Variants in STX11 observed in about 807,000 individuals in gnomAD.
The protein encoded by STX11 is syntaxin-11.
A neutral mutation model predicts 19.9 loss-of-function variants in STX11; 21 were observed. That is an observed-to-expected ratio of 1.06 (90% confidence interval 0.75 to 1.52). The LOEUF (loss-of-function observed/expected upper bound fraction) is 1.52, where lower values mean the gene tolerates loss of function less well. Among genes scored for constraint, STX11 ranks in the 40% most tolerant of loss-of-function variants. The pLI is 0.00. For missense variants in STX11, 438 were observed against 405.9 expected (o/e 1.08, Z -0.68); for synonymous variants, 193 against 174.4 (o/e 1.11, Z -0.84).
In STX11 at chr6:144,160,130, G is replaced by A. The variant is rs969543554; in HGVS notation, c.-6+9427G>A. On this transcript the variant is annotated intron_variant, in intron 1 of 1. Transcript: ENST00000367568. The surrounding 1 kb of genome is among the most constrained non-coding windows in gnomAD (Gnocchi z 4.3). ...TGATTCTCCTGCCTCAGCTTCCTAA[G>A]TAGCTAGGACTACAGGTGTGCACCA... 2.0e-5 allele frequency among the ~76,000 whole-genome samples: 3 copies of A among 152,114 alleles called. No homozygotes were observed. The highest frequency in any genetic ancestry group is 4.8e-5 in the African/African-American group (2 of 41,414).
Position 144,155,940 on chromosome 6 carries a change from A to ATCTATCTTTCTT in STX11, c.-6+5240_-6+5241insATCTTTCTTTCT, listed in dbSNP as rs1425569407. ...CTAATTAAATGTGTTTTAAAATTTA[A>ATCTATCTTTCTT]TCTTTCTTTCTTTCTTTCTTTCTTT... is the stretch of plus-strand genomic sequence containing the variant. On this transcript the variant is annotated intron_variant, in intron 1 of 1. Transcript: ENST00000367568. This position sits in a 1 kb window ranked among gnomAD's most constrained non-coding sequence, Gnocchi z 4.5. 2.3e-4 allele frequency among the ~76,000 whole-genome samples: 27 copies of ATCTATCTTTCTT among 119,942 alleles called. 1 individual carries two copies. Among genetic ancestry groups the ATCTATCTTTCTT allele is most frequent in the Admixed American group, 3.5e-4 (4 of 11,426 alleles). The allele number at this position is 119,942 out of a possible 152,430, so 78.7% of individuals were successfully genotyped here.
At chr6:144,158,388 A>G (rs1434359220) in intron 1 of STX11, among the ~76,000 whole-genome samples, 1 of 152,202 alleles carries the variant, frequency 6.6e-6, no homozygotes, top group East Asian at 1.9e-4. Flanking sequence ...GCTTGGCCTT[A>G]TACTATCTTA....
Position 144,154,940 on chromosome 6 carries a change from C to T in STX11, c.-6+4237C>T, listed in dbSNP as rs1017334563. 3.3e-5 allele frequency among the ~76,000 whole-genome samples: 5 copies of T among 152,238 alleles called. No individual in the cohort carries two copies. The highest frequency in any genetic ancestry group is 2.1e-4 in the South Asian group (1 of 4,818). On this transcript the variant is annotated intron_variant, in intron 1 of 1. Transcript: ENST00000367568. This position sits in a 1 kb window ranked among gnomAD's most constrained non-coding sequence, Gnocchi z 4.7. The stretch of plus-strand genomic sequence containing the variant: ...ATTTTGACCAACAACCCTGTCCACC[C>T]GCCCCCACCGCCTCCAAAAAAATGA...
rs767641248 is a variant in STX11, at chr6:144,172,674, C to T, written c.-5-13949C>T. 1.3e-5 allele frequency among the ~76,000 whole-genome samples: 2 copies of T among 152,214 alleles called. No homozygotes were observed. The highest frequency in any genetic ancestry group is 1.9e-4 in the East Asian group (1 of 5,168). On this transcript the variant is annotated intron_variant, in intron 1 of 1. Transcript: ENST00000367568. The surrounding 1 kb of genome is among the most constrained non-coding windows in gnomAD (Gnocchi z 4.2). Reference sequence around the variant, plus strand: ...TGCTCCCTCCCATCCCAGGATTCCCCGAAGTCTCATCAGATTATAGTATTA... The same window carrying T: ...TGCTCCCTCCCATCCCAGGATTCCCTGAAGTCTCATCAGATTATAGTATTA...
chr6:144,145,349 G>A, the STX11 span, among the ~76,000 whole-genome samples: 1 of 152,194 alleles, frequency 6.6e-6, no homozygotes, highest in African/African-American at 2.4e-5. Flanking sequence ...ACTTAGAGCA[G>A]TCAAATTCAT....
At chr6:144,173,747 G>A (rs1006230154) in intron 1 of STX11, among the ~76,000 whole-genome samples, 7 of 152,162 alleles carry the variant, frequency 4.6e-5, no homozygotes, top group African/African-American at 1.7e-4. Context: ...CCTATGATAT[G>A]GGCTGCCTTT....
chr6:144,140,443 T>C, the STX11 span, among the ~76,000 whole-genome samples: 274 of 151,428 alleles, frequency 1.8e-3, 1 homozygote, highest in African/African-American at 6.4e-3. Context: ...TTAGTAGAGA[T>C]GGGGTTTCGC....
rs1299354298 is a variant in STX11, at chr6:144,174,361, G to A, written c.-5-12262G>A. 6.6e-6 allele frequency among the ~76,000 whole-genome samples: 1 copy of A among 152,080 alleles called. No homozygotes were observed. The highest frequency in any genetic ancestry group is 1.5e-5 in the Non-Finnish European group (1 of 68,006). ...AGCTGCAAAGAATTTGTAGTAAGAAGATTTTTATTTTTATTTTATTTTTAT... is the reference window on the plus strand; with the variant it reads ...AGCTGCAAAGAATTTGTAGTAAGAAAATTTTTATTTTTATTTTATTTTTAT... On this transcript the variant is annotated intron_variant, in intron 1 of 1. Transcript: ENST00000367568. This position sits in a 1 kb window ranked among gnomAD's most constrained non-coding sequence, Gnocchi z 5.3.
In STX11 at chr6:144,172,481, G is replaced by C. The variant is rs1177753784; in HGVS notation, c.-5-14142G>C. ...GCTCCATGTTTCCTCCCATCCTCTT[G>C]GTCAAAGCAAGTCTCATGGCCAAGG... On this transcript the variant is annotated intron_variant, in intron 1 of 1. Transcript: ENST00000367568. The surrounding 1 kb of genome is among the most constrained non-coding windows in gnomAD (Gnocchi z 4.2). Among the ~76,000 whole-genome samples the C allele has an allele frequency of 6.6e-6, 1 of 152,028 alleles. No individual in the cohort carries two copies. Among genetic ancestry groups the C allele is most frequent in the Non-Finnish European group, 1.5e-5 (1 of 68,018 alleles).
Position 144,177,018 on chromosome 6 carries a change from T to G in STX11, c.-5-9605T>G, listed in dbSNP as rs985357195. On this transcript the variant is annotated intron_variant, in intron 1 of 1. Coordinates refer to ENST00000367568, the MANE Select transcript of STX11 (RefSeq NM_003764.4). The surrounding 1 kb of genome is among the most constrained non-coding windows in gnomAD (Gnocchi z 4.4). The stretch of plus-strand genomic sequence containing the variant: ...GAATTTAACAGGAGTAACCAGGCAA[T>G]GAGACTAGAATAAGTGGCCCAAAGG... Among the ~76,000 whole-genome samples the G allele has an allele frequency of 6.6e-6, 1 of 152,066 alleles. No individual in the cohort carries two copies. The highest frequency in any genetic ancestry group is 6.5e-5 in the Admixed American group (1 of 15,268).
chr6:144,161,257 G>A (rs774739290), intron 1 of STX11, among the ~76,000 whole-genome samples: 3 of 152,172 alleles, frequency 2.0e-5, no homozygotes, highest in Non-Finnish European at 4.4e-5. Context: ...AGGATGAAAC[G>A]TATTCCTTAA....
In STX11 at chr6:144,153,344, G is replaced by C. The variant is rs1019732310; in HGVS notation, c.-6+2641G>C. On this transcript the variant is annotated intron_variant, in intron 1 of 1. Transcript: ENST00000367568. The surrounding 1 kb of genome is among the most constrained non-coding windows in gnomAD (Gnocchi z 5.0). ...AAGTGTTAGAAAGTGTTTATTGATG[G>C]AATAATGAACCTTCACGTAGGAGGA... 2.0e-5 allele frequency among the ~76,000 whole-genome samples: 3 copies of C among 152,148 alleles called. No individual in the cohort carries two copies. The highest frequency in any genetic ancestry group is 7.2e-5 in the African/African-American group (3 of 41,434).
rs1039040792 is a variant in STX11 at position 144,155,424 on chromosome 6, C to A, written c.-6+4721C>A. On this transcript the variant is annotated intron_variant, in intron 1 of 1. Coordinates refer to ENST00000367568, the MANE Select transcript of STX11 (RefSeq NM_003764.4). This position sits in a 1 kb window ranked among gnomAD's most constrained non-coding sequence, Gnocchi z 4.5. ...CCACACATGCATTGAATGTTTTGTT[C>A]AGCATTTCTTCAGATTCATTGGGAA... Among the ~76,000 whole-genome samples the A allele has an allele frequency of 6.6e-6, 1 of 152,116 alleles. No individual in the cohort carries two copies. The highest frequency in any genetic ancestry group is 1.5e-5 in the Non-Finnish European group (1 of 68,012).
rs1801984166 is a variant in STX11 at position 144,184,689 on chromosome 6, A to G, written c.-5-1934A>G. ...CCCTATGCTCACACCAACTCTGATA[A>G]TGGCAGTACCTACTCATAGAATCTG... On this transcript the variant is annotated intron_variant, in intron 1 of 1. Coordinates refer to ENST00000367568, the MANE Select transcript of STX11 (RefSeq NM_003764.4). The surrounding 1 kb of genome is among the most constrained non-coding windows in gnomAD (Gnocchi z 6.5). Among the ~76,000 whole-genome samples, 1 of 152,152 alleles carries G rather than the reference A, an allele frequency of 6.6e-6. No individual in the cohort carries two copies. Among genetic ancestry groups the G allele is most frequent in the Non-Finnish European group, 1.5e-5 (1 of 68,028 alleles).
rs567438837 is a variant in STX11 at position 144,151,217 on chromosome 6, A to G, written c.-6+514A>G. On this transcript the variant is annotated intron_variant, in intron 1 of 1. Coordinates refer to ENST00000367568, the MANE Select transcript of STX11 (RefSeq NM_003764.4). This position sits in a 1 kb window ranked among gnomAD's most constrained non-coding sequence, Gnocchi z 4.6. ...CCTTCGAGGAGTCCCTTCGAAGCCC[A>G]CGTAAGACTTTGTTTTAGAAACATG... The G allele has an allele frequency of 2.0e-6, 2 of 985,272 alleles. No homozygotes were observed. The highest frequency in any genetic ancestry group is 1.1e-4 in the East Asian group (1 of 8,802). The allele number at this position is 985,272 out of a possible 1,614,324, so 61.0% of individuals were successfully genotyped here.
chr6:144,141,640 CATT>C, the STX11 span, among the ~76,000 whole-genome samples: 1 of 149,470 alleles, frequency 6.7e-6, no homozygotes, highest in Admixed American at 6.7e-5. Context: ...TTTGGAAAGT[CATT>C]ATTTTCAGTT....
At position 144,187,609 on chromosome 6, in the gene STX11, CT is replaced by C. The variant is rs1441831396; in HGVS notation, c.*121del. The C allele has an allele frequency of 1.5e-6, 2 of 1,337,900 alleles. No individual in the cohort carries two copies. Among genetic ancestry groups the C allele is most frequent in the East Asian group, 5.1e-5 (2 of 39,106 alleles). The allele number at this position is 1,337,900 out of a possible 1,614,324, so 82.9% of individuals were successfully genotyped here. The stretch of plus-strand genomic sequence containing the variant: ...GCCCCAACCCTTTCCGGAACTCAGT[CT>C]TTAGAAAAGAAACGCCAGGTTCAAG... On this transcript the variant is annotated 3_prime_UTR_variant, in exon 2 of 2. Transcript: ENST00000367568. This position sits in a 1 kb window ranked among gnomAD's most constrained non-coding sequence, Gnocchi z 5.6.
chr6:144,150,358 C>G (rs545058597), upstream of STX11, among the ~76,000 whole-genome samples: 3 of 152,192 alleles, frequency 2.0e-5, no homozygotes, highest in Admixed American at 2.0e-4. Flanking sequence ...AGCGCGTCCC[C>G]GGCTCCGGGC....
chr6:144,151,476 G>A lies in STX11; in HGVS notation c.-6+773G>A. 1 of 974,880 alleles carries A rather than the reference G, an allele frequency of 1.0e-6. No homozygotes were observed. Among genetic ancestry groups the A allele is most frequent in the Non-Finnish European group, 1.2e-6 (1 of 820,378 alleles). The allele number at this position is 974,880 out of a possible 1,614,324, so 60.4% of individuals were successfully genotyped here. A position where few individuals can be genotyped will look rare whatever the true frequency, so the allele number is the denominator to read the frequency against. ...TTGTTAATGAACTTTTGAAAAGCGAGGCTTGCTTTAAAATGAGACTCTAGA... is the reference window on the plus strand; with the variant it reads ...TTGTTAATGAACTTTTGAAAAGCGAAGCTTGCTTTAAAATGAGACTCTAGA... On this transcript the variant is annotated intron_variant, in intron 1 of 1. Coordinates refer to ENST00000367568, the MANE Select transcript of STX11 (RefSeq NM_003764.4). The surrounding 1 kb of genome is among the most constrained non-coding windows in gnomAD (Gnocchi z 4.6).
Sources: allele counts gnomAD v4.1 joint callset (sites outside exome capture counted in the v4.1 genomes callset), GRCh38; gene constraint gnomAD v4.1.1; non-coding constraint Gnocchi (gnomAD v3.1); transcripts MANE v1.5; gene names NCBI Gene and HGNC (gene_info 2026-07-23, HGNC 2026-07-21).